Variants in KIAA1671 observed in about 807,000 individuals in gnomAD.
KIAA1671 encodes KIAA1671.
Under a neutral mutation model 131.2 loss-of-function variants are expected in KIAA1671, and 52 were observed. That is an observed-to-expected ratio of 0.40 (90% CI 0.32 to 0.50). The LOEUF (loss-of-function observed/expected upper bound fraction) is 0.50. Among genes scored for constraint, KIAA1671 ranks in the 20% least tolerant of loss-of-function variants. The pLI is 0.73. For synonymous variants in KIAA1671, 1,003 were observed against 961.6 expected (o/e 1.04, Z -0.80); for missense variants, 2,360 against 2,364.2 (o/e 1.00, Z 0.04).
chr22:25,068,993 G>C lies in KIAA1671; in HGVS notation c.4530+19629G>C, dbSNP rs763141393. 2.7e-5 allele frequency among the ~76,000 whole-genome samples: 4 copies of C among 146,328 alleles called. No individual in the cohort carries two copies. The South Asian group carries it at 8.4e-4, about 31-fold the overall frequency. On this transcript the variant is annotated intron_variant, in intron 6 of 12. Transcript: ENST00000358431. ...CAGAAGCACAGCTGTCTTGCATCCG[G>C]CGCTCACTTGCCGGAGTCTCTGGGT... is the stretch of plus-strand genomic sequence containing the variant.
At chr22:25,123,221 G>A (rs1298027145) in intron 6 of KIAA1671, among the ~76,000 whole-genome samples, 1 of 134,688 alleles carries the variant, frequency 7.4e-6, no homozygotes, top group East Asian at 2.2e-4. Flanking sequence ...TTTTGAGATG[G>A]AGTCTTGCTC....
At chr22:25,031,552 G>C (rs1370595333) in intron 3 of KIAA1671, among the ~76,000 whole-genome samples, 1 of 151,724 alleles carries the variant, frequency 6.6e-6, no homozygotes, top group Admixed American at 6.6e-5. Context: ...GGCTGTTCTC[G>C]AACTTCTGAC....
intron 1 of KIAA1671, among the ~76,000 whole-genome samples, chr22:24,958,105 A>G (rs1291554637): frequency 6.6e-6 from 1 of 151,854 alleles, no homozygotes; most frequent in African/African-American, 2.4e-5. Context: ...GGGAAAGTGG[A>G]AGAGCTGGGA....
intron 1 of KIAA1671, among the ~76,000 whole-genome samples, chr22:24,983,663 G>A (rs545587230): frequency 2.7e-5 from 4 of 147,756 alleles, no homozygotes; most frequent in East Asian, 2.0e-4. Flanking sequence ...AACAGCTTGC[G>A]CTAGGGCTTT....
chr22:24,953,412 G>T (rs962787130), intron 1 of KIAA1671, among the ~76,000 whole-genome samples: 8 of 152,080 alleles, frequency 5.3e-5, no homozygotes, highest in African/African-American at 1.9e-4. Flanking sequence ...CAGCGCGGTG[G>T]TTCGGGGGGC....
rs550180914 is a variant in KIAA1671 at position 24,952,969 on chromosome 22, A to G, written c.-208+197A>G. 9.4e-4 allele frequency among the ~76,000 whole-genome samples: 143 copies of G among 152,310 alleles called. No homozygotes were observed. Among genetic ancestry groups the G allele is most frequent in the African/African-American group, 3.2e-3 (134 of 41,582 alleles). On this transcript the variant is annotated intron_variant, in intron 1 of 12. Transcript: ENST00000358431. The surrounding 1 kb of genome is among the most constrained non-coding windows in gnomAD (Gnocchi z 4.5). Reference sequence around the variant, plus strand: ...GGATTTCCCCAGACTCCGGGTCTGCAGGGAGGGAGGATCCCGGTTTGGGAG... The same window carrying G: ...GGATTTCCCCAGACTCCGGGTCTGCGGGGAGGGAGGATCCCGGTTTGGGAG...
chr22:25,048,896 G>T, intron 5 of KIAA1671: 1 of 205,204 alleles, frequency 4.9e-6, no homozygotes, highest in South Asian at 1.0e-4. Flanking sequence ...GCCCCCTGGT[G>T]GCTATACTGC....
rs1934086823 is a variant in KIAA1671 at position 25,177,661 on chromosome 22, T to TTC, written c.5074+139_5074+140insTC. The TTC allele has an allele frequency of 1.1e-5, 8 of 725,862 alleles. No individual in the cohort carries two copies. The African/African-American group carries it at 1.3e-4, about 11-fold the overall frequency. The allele number at this position is 725,862 out of a possible 1,614,324, so 45.0% of individuals were successfully genotyped here. ...TTACATAGGAAACTGATTTTTTTTT[T>TTC]CATGTCTTAAACACACAGGTGTTTA... On this transcript the variant is annotated intron_variant, in intron 9 of 12. Transcript: ENST00000358431.
At position 24,964,230 on chromosome 22, in the gene KIAA1671, G is replaced by A. The variant is rs112961112; in HGVS notation, c.-208+11458G>A. On this transcript the variant is annotated intron_variant, in intron 1 of 12. Transcript: ENST00000358431. ...TATAGTCCTAGCTACTTGGGAGGCT[G>A]AGGCAGGAGAATTGCTTGAACCTGG... 3.4e-3 allele frequency among the ~76,000 whole-genome samples: 517 copies of A among 152,096 alleles called. 1 individual carries two copies. The highest frequency in any genetic ancestry group is 0.012 in the African/African-American group (490 of 41,490).
chr22:25,108,309 T>C (rs1029396667), intron 6 of KIAA1671, among the ~76,000 whole-genome samples: 2 of 152,220 alleles, frequency 1.3e-5, no homozygotes, highest in Non-Finnish European at 2.9e-5. Flanking sequence ...TAAAAAGCTG[T>C]GTGCCATTCC....
At chr22:24,999,157 G>A (rs1022359204) in intron 1 of KIAA1671, among the ~76,000 whole-genome samples, 2 of 152,154 alleles carry the variant, frequency 1.3e-5, no homozygotes, top group African/African-American at 4.8e-5. Flanking sequence ...ACTTGGTAAT[G>A]CCAGTCTCTG....
Position 25,039,293 on chromosome 22 carries a change from A to T in KIAA1671, c.2163A>T (p.Glu721Asp). 8 of 1,552,252 alleles carry T rather than the reference A, an allele frequency of 5.2e-6. No homozygotes were observed. Among genetic ancestry groups the T allele is most frequent in the Non-Finnish European group, 7.0e-6 (8 of 1,147,118 alleles). The change falls in exon 5 of 13, where the codon GAA (glutamate) becomes GAT (aspartate). Residue 721 changes from glutamate (E) to aspartate (D), a missense_variant. Glu to Asp is a conservative substitution (Grantham distance 45, BLOSUM62 2). Coordinates refer to ENST00000358431, the MANE Select transcript of KIAA1671 (RefSeq NM_001145206.2). ...ATAACACCTTCCTCAAACACTTGGA[A>T]AATCCTCCCACATCGCAGAGAATTG... ...HNNNTFLKHL[E>D]NPPTSQRIEP...
intron 1 of KIAA1671, among the ~76,000 whole-genome samples, chr22:24,956,318 C>G (rs903280570): frequency 2.6e-5 from 4 of 152,208 alleles, no homozygotes; most frequent in Non-Finnish European, 5.9e-5. Context: ...ATAAAACATG[C>G]CAGTCCTCAA....
chr22:25,099,735 G>A (rs1296602711), intron 6 of KIAA1671, among the ~76,000 whole-genome samples: 2 of 151,810 alleles, frequency 1.3e-5, no homozygotes, highest in African/African-American at 2.4e-5. Flanking sequence ...GGCTGGTCTC[G>A]AACTCCTGAC....
rs1181431650 is a variant in KIAA1671, at chr22:25,193,375, G to A, written c.*974G>A. 6.6e-6 allele frequency: 1 copy of A among 152,180 alleles called. No individual in the cohort carries two copies. Among genetic ancestry groups the A allele is most frequent in the Non-Finnish European group, 1.5e-5 (1 of 68,044 alleles). The allele number at this position is 152,180 out of a possible 1,614,324, so 9.4% of individuals were successfully genotyped here. A position where few individuals can be genotyped will look rare whatever the true frequency, so the allele number is the denominator to read the frequency against. ...CCTTTGCTTATGAATCATCAGACCT[G>A]CCCTAGTAATCTTTTTCTCCAGAGT... On this transcript the variant is annotated 3_prime_UTR_variant, in exon 13 of 13. Coordinates refer to ENST00000358431, the MANE Select transcript of KIAA1671 (RefSeq NM_001145206.2).
intron 6 of KIAA1671, among the ~76,000 whole-genome samples, chr22:25,071,245 G>C (rs1218177058): frequency 6.6e-6 from 1 of 152,230 alleles, no homozygotes; most frequent in Non-Finnish European, 1.5e-5. Flanking sequence ...ACACCCAAAA[G>C]GGAAAGTCTT....
chr22:25,112,954 C>T (rs759920425), intron 6 of KIAA1671, among the ~76,000 whole-genome samples: 2 of 151,768 alleles, frequency 1.3e-5, no homozygotes, highest in African/African-American at 2.4e-5. Context: ...GTGTGGTGGG[C>T]GAGTTTGCCC....
At chr22:25,033,935 T>C (rs1319985082) in intron 4 of KIAA1671, among the ~76,000 whole-genome samples, 1 of 152,014 alleles carries the variant, frequency 6.6e-6, no homozygotes, top group Non-Finnish European at 1.5e-5. Context: ...AGAGCACAGA[T>C]TTAACACATT....
intron 6 of KIAA1671, among the ~76,000 whole-genome samples, chr22:25,126,191 A>G (rs141200381): frequency 2.3e-4 from 35 of 152,270 alleles, no homozygotes; most frequent in African/African-American, 7.5e-4. Flanking sequence ...TCCATGTCCA[A>G]ATATTTGCTT....
Sources: allele counts gnomAD v4.1 joint callset (sites outside exome capture counted in the v4.1 genomes callset), GRCh38; gene constraint gnomAD v4.1.1; non-coding constraint Gnocchi (gnomAD v3.1); transcripts MANE v1.5; gene names NCBI Gene and HGNC (gene_info 2026-07-23, HGNC 2026-07-21).